LEKR1: variants seen among roughly 807,000 people sequenced by gnomAD.
The protein encoded by LEKR1 is protein LEKR1.
LEKR1 carries 59 observed loss-of-function variants against 72.4 expected under a neutral mutation model. The ratio of observed to expected loss-of-function variants is 0.82; its 90% CI spans 0.66 to 1.01. The LOEUF is 1.01. Ranked by LOEUF, LEKR1 falls within the 50% of genes least tolerant of loss-of-function variation. LEKR1 has a pLI of 0.00. For synonymous variants in LEKR1, 257 were observed against 263.2 expected, an observed-to-expected ratio of 0.98 and a Z score of 0.23; for missense variants, 728 against 759.2, an observed-to-expected ratio of 0.96 and a Z score of 0.48.
At chr3:156,979,350 A>G in intron 7 of LEKR1, 75 bp downstream of exon 7, 1 of 639,624 alleles carries the variant, frequency 1.6e-6, no homozygotes, top group Admixed American at 2.4e-5. Flanking sequence ...ATTAGGAAGA[A>G]ATGACAAGAA....
chr3:157,016,160 A>C (rs573416866), intron 10 of LEKR1, among the ~76,000 whole-genome samples: 3,810 of 149,536 alleles, frequency 0.025, 178 homozygotes, highest in African/African-American at 0.091. Flanking sequence ...AGAGGGAACA[A>C]AAAAAATTGA....
chr3:156,896,308 T>C (rs1446601549), intron 3 of LEKR1, among the ~76,000 whole-genome samples: 3 of 152,170 alleles, frequency 2.0e-5, no homozygotes, highest in Non-Finnish European at 4.4e-5. Context: ...CATGTTTACC[T>C]ATGTAACAAA....
chr3:156,980,585 G>C (rs1326985196), intron 7 of LEKR1, among the ~76,000 whole-genome samples: 1 of 151,792 alleles, frequency 6.6e-6, no homozygotes, highest in African/African-American at 2.4e-5. Flanking sequence ...AAAAATCGTT[G>C]TTGCTGTCCC....
chr3:156,964,639 T>G (rs1027783720), intron 6 of LEKR1, among the ~76,000 whole-genome samples: 10 of 152,116 alleles, frequency 6.6e-5, no homozygotes, highest in Non-Finnish European at 1.0e-4. Flanking sequence ...TTGCCTATTT[T>G]ACTGCCATCC....
chr3:156,924,935 T>C (rs1229056583), intron 4 of LEKR1: 3 of 153,748 alleles, frequency 2.0e-5, no homozygotes, highest in Admixed American at 6.5e-5. Flanking sequence ...GCGCCCTCCA[T>C]AATGAATTTT....
chr3:156,922,615 A>T (rs9883439), intron 4 of LEKR1, among the ~76,000 whole-genome samples: 132,214 of 152,218 alleles, frequency 0.87, 57,731 homozygotes, highest in African/African-American at 0.96. Context: ...TTCTTTCATG[A>T]TCTGTGTTTT....
intron 10 of LEKR1, among the ~76,000 whole-genome samples, chr3:157,018,174 G>T (rs1467423481): frequency 1.3e-5 from 2 of 152,094 alleles, no homozygotes; most frequent in Non-Finnish European, 2.9e-5. Context: ...TGATAGAACT[G>T]TGAGAAGTAA....
chr3:157,002,018 CA>C (rs1732056917), intron 9 of LEKR1, among the ~76,000 whole-genome samples: 1 of 152,056 alleles, frequency 6.6e-6, no homozygotes, highest in African/African-American at 2.4e-5. Flanking sequence ...TCTTTCAGGC[CA>C]GAGAGCTTTT....
intron 3 of LEKR1, among the ~76,000 whole-genome samples, chr3:156,883,792 T>A (rs960041227): frequency 1.3e-5 from 2 of 152,218 alleles, no homozygotes; most frequent in East Asian, 3.8e-4. Context: ...ATCTCTTTTT[T>A]AAATAAATTA....
At chr3:156,943,198 A>G (rs1194128951) in intron 6 of LEKR1, among the ~76,000 whole-genome samples, 3 of 152,010 alleles carry the variant, frequency 2.0e-5, no homozygotes, top group Admixed American at 6.6e-5. Flanking sequence ...TAAGGGATCA[A>G]TAAAATAGGT....
intron 3 of LEKR1, among the ~76,000 whole-genome samples, chr3:156,868,776 T>G (rs1717594828): frequency 6.6e-6 from 1 of 152,046 alleles, no homozygotes; most frequent in Non-Finnish European, 1.5e-5. Context: ...CTATCAAACA[T>G]TGAAACTTAT....
At position 157,028,343 on chromosome 3, in the gene LEKR1, A is replaced by G; in HGVS notation, c.1609A>G (p.Lys537Glu). ...KEMEQKSDEL[K>E]RVMLAQTQLI... ...AATGGAACAGAAGTCGGATGAACTG[A>G]AAAGAGTAATGCTGGCTCAAACACA... Residue 537 changes from lysine (K) to glutamate (E), a missense_variant, in exon 12 of 13, where the codon AAA becomes GAA. By Grantham distance (56) the Lys-to-Glu change is moderately conservative (BLOSUM62 1). Coordinates refer to ENST00000356539, the MANE Select transcript of LEKR1 (RefSeq NM_001004316.3). 1 of 1,613,258 alleles carries G rather than the reference A, an allele frequency of 6.2e-7. No individual in the cohort carries two copies. Among genetic ancestry groups the G allele is most frequent in the Non-Finnish European group, 8.5e-7 (1 of 1,179,622 alleles).
intron 9 of LEKR1, among the ~76,000 whole-genome samples, chr3:156,993,507 T>G (rs1368353903): frequency 6.6e-6 from 1 of 151,682 alleles, no homozygotes; most frequent in Admixed American, 6.6e-5. Flanking sequence ...AAAGTAGGAA[T>G]GAAGCCCAAG....
chr3:156,910,771 C>CTAG (rs1723035613), intron 3 of LEKR1, among the ~76,000 whole-genome samples: 1 of 152,126 alleles, frequency 6.6e-6, no homozygotes, highest in Non-Finnish European at 1.5e-5. Context: ...AGGTTGATTC[C>CTAG]GTGTCTTTGC....
intron 10 of LEKR1, among the ~76,000 whole-genome samples, chr3:157,020,076 T>C (rs1002440069): frequency 2.0e-5 from 3 of 152,250 alleles, no homozygotes; most frequent in Middle Eastern, 3.4e-3. Flanking sequence ...CATATATTTA[T>C]TCCTTCCTTG....
intron 12 of LEKR1, among the ~76,000 whole-genome samples, chr3:157,033,833 G>A (rs1734787298): frequency 6.6e-6 from 1 of 152,108 alleles, no homozygotes; most frequent in African/African-American, 2.4e-5. Context: ...GCCTTCAAAG[G>A]ACAGTCTAAT....
At chr3:156,965,992 C>T (rs1218214009) in intron 6 of LEKR1, among the ~76,000 whole-genome samples, 1 of 152,058 alleles carries the variant, frequency 6.6e-6, no homozygotes, top group African/African-American at 2.4e-5. Flanking sequence ...TAAATTATAT[C>T]TAATGCAGCA....
chr3:156,906,196 C>A (rs929145126), intron 3 of LEKR1, among the ~76,000 whole-genome samples: 3 of 151,978 alleles, frequency 2.0e-5, no homozygotes, highest in African/African-American at 7.2e-5. Context: ...AAAAGTATTT[C>A]CTTTTAGAAT....
At chr3:156,979,887 T>A (rs9850056) in intron 7 of LEKR1, 85,852 of 152,048 alleles carry the variant, frequency 0.56, 24,905 homozygotes, top group East Asian at 0.7. Context: ...GTTGGCACAC[T>A]CCTGTAGTCC....
Sources: gnomAD v4.1 joint callset for allele counts (sites outside exome capture counted in the v4.1 genomes callset) on GRCh38, gnomAD v4.1.1 for gene constraint, MANE v1.5 for transcripts, NCBI Gene and HGNC (gene_info 2026-07-23, HGNC 2026-07-21) for gene names.